Variants in TNRC6A observed in about 807,000 individuals in gnomAD.
TNRC6A encodes the protein trinucleotide repeat-containing gene 6A protein.
Under a neutral mutation model 221.2 loss-of-function variants are expected in TNRC6A, and 44 were observed. The ratio of observed to expected loss-of-function variants is 0.20; its 90% CI spans 0.16 to 0.26. The LOEUF (loss-of-function observed/expected upper bound fraction) is 0.26, where lower values mean the gene tolerates loss of function less well. Among genes scored for constraint, TNRC6A ranks in the 10% least tolerant of loss-of-function variants. The pLI, the probability that TNRC6A is intolerant of heterozygous loss-of-function variation, is 1.00. For synonymous variants in TNRC6A, 847 were observed against 838.5 expected (o/e 1.01, Z -0.18); for missense variants, 2,199 against 2,404.4 (o/e 0.91, Z 1.79).
rs571906685 is a variant in TNRC6A, at chr16:24,716,286, C to T, written n.403-34440C>T. Among the ~76,000 whole-genome samples the T allele has an allele frequency of 9.8e-5, 15 of 152,288 alleles. No homozygotes were observed. The East Asian group carries it at 1.5e-3, about 16-fold the overall frequency. On this transcript the variant is annotated intron_variant and non_coding_transcript_variant, in intron 2 of 2. Coordinates refer to the TNRC6A transcript ENST00000566108. ...ACAGTTGTTTTATAAATTTTGTCTG[C>T]ATTTTTAGCCGTTTCAGGAGGGAGG...
At chr16:24,630,903 C>A (rs554941841) in intron 1 of TNRC6A, among the ~76,000 whole-genome samples, 1 of 152,122 alleles carries the variant, frequency 6.6e-6, no homozygotes. Flanking sequence ...GTGGTATGTG[C>A]CTCTCTATAC....
chr16:24,750,105 A>C (rs1332050904), intron 2 of TNRC6A, among the ~76,000 whole-genome samples: 1 of 152,224 alleles, frequency 6.6e-6, no homozygotes, highest in African/African-American at 2.4e-5. Context: ...ATGCCACTGC[A>C]TTCCAGCCTG....
intron 1 of TNRC6A, among the ~76,000 whole-genome samples, chr16:24,630,976 T>A (rs1221754229): frequency 6.6e-6 from 1 of 151,288 alleles, no homozygotes. Context: ...GCTTAGACAT[T>A]CAGCCTGGAG....
At chr16:24,741,339 T>A (rs551967482) in intron 2 of TNRC6A, among the ~76,000 whole-genome samples, 33 of 152,346 alleles carry the variant, frequency 2.2e-4, no homozygotes, top group Non-Finnish European at 3.7e-4. Context: ...GTTTTTGTCT[T>A]GTAAAAGGAT....
Position 24,823,962 on chromosome 16 carries a change from C to A in TNRC6A, c.*155C>A. On this transcript the variant is annotated 3_prime_UTR_variant, in exon 25 of 25. Transcript: ENST00000395799. This position sits in a 1 kb window ranked among gnomAD's most constrained non-coding sequence, Gnocchi z 4.3. ...TCCCCAAAACATATCAGTTTGAATA[C>A]TTGAATCATGCAGGCCAATATTATA... is the stretch of plus-strand genomic sequence containing the variant. 1 of 645,462 alleles carries A rather than the reference C, an allele frequency of 1.5e-6. No homozygotes were observed. The highest frequency in any genetic ancestry group is 2.3e-6 in the Non-Finnish European group (1 of 436,470). 40.0% of individuals were successfully genotyped at this position (645,462 alleles called of 1,614,324 possible).
In TNRC6A at chr16:24,790,249, G is replaced by T; in HGVS notation, c.1607G>T (p.Gly536Val). ...AATTACTCTGGAGACAAATGTTCAG[G>T]CCCTAATGGCCAAGCTAATGGTGAC... ...GSNYSGDKCS[G>V]PNGQANGDTV... is the part of the protein sequence containing the mutation. Residue 536 changes from glycine to valine, a missense_variant, in exon 6 of 25, where the codon GGC becomes GTC. By Grantham distance (109) the Gly-to-Val change is moderately radical (BLOSUM62 -3). This residue lies in a region of TNRC6A where 1,405 missense variants were observed against 1,400.2 expected (regional missense o/e 1.00). Coordinates refer to ENST00000395799, the MANE Select transcript of TNRC6A (RefSeq NM_014494.4). 1.2e-6 allele frequency: 2 copies of T among 1,614,176 alleles called. No homozygotes were observed. The highest frequency in any genetic ancestry group is 1.7e-6 in the Non-Finnish European group (2 of 1,180,034).
intron 1 of TNRC6A, among the ~76,000 whole-genome samples, chr16:24,620,282 T>TTATTATGA (rs1900597712): frequency 6.6e-6 from 1 of 152,218 alleles, no homozygotes; most frequent in Non-Finnish European, 1.5e-5. Context: ...ACAATCATTG[T>TTATTATGA]ACCCACCTGT....
intron 4 of TNRC6A, among the ~76,000 whole-genome samples, chr16:24,775,127 A>G (rs1285668430): frequency 6.6e-6 from 1 of 152,162 alleles, no homozygotes; most frequent in Non-Finnish European, 1.5e-5. Context: ...TGTTTTTGAT[A>G]GCCAGTGTCT....
upstream of TNRC6A, chr16:24,729,613 C>T (rs2056560069): frequency 1.2e-5 from 5 of 424,248 alleles, no homozygotes; most frequent in Middle Eastern, 1.3e-3. Flanking sequence ...GGCCAGTGGC[C>T]GTGGCGCCCC....
chr16:24,739,271 T>C (rs1156493404), intron 2 of TNRC6A, among the ~76,000 whole-genome samples: 4 of 152,188 alleles, frequency 2.6e-5, no homozygotes, highest in African/African-American at 9.7e-5. Context: ...ATTTTCCTAA[T>C]GGCTAATGAT....
Position 24,729,684 on chromosome 16 carries a change from T to TCGGCGGTGG in TNRC6A, c.-152_-151insTGGCGGCGG. 1.6e-6 allele frequency: 1 copy of TCGGCGGTGG among 629,590 alleles called. No homozygotes were observed. Among genetic ancestry groups the TCGGCGGTGG allele is most frequent in the Non-Finnish European group, 2.3e-6 (1 of 441,134 alleles). 39.0% of individuals were successfully genotyped at this position (629,590 alleles called of 1,614,324 possible). ...TCTGGGGCCTGCGGCGGCGGCGGTG[T>TCGGCGGTGG]CGGCGGCGGCGGCGGCGGCGGCGGC... On this transcript the variant is annotated 5_prime_UTR_variant, in exon 1 of 25. Transcript: ENST00000395799.
intron 2 of TNRC6A, among the ~76,000 whole-genome samples, chr16:24,736,495 C>T (rs745509337): frequency 3.3e-5 from 5 of 152,158 alleles, no homozygotes; most frequent in African/African-American, 4.8e-5. Flanking sequence ...TTAGTTGTGT[C>T]TGAAGTTTCT....
intron 1 of TNRC6A, 79 bp from the exon 2 acceptor site, chr16:24,730,174 C>T: frequency 6.9e-7 from 1 of 1,445,730 alleles, no homozygotes; most frequent in African/African-American, 1.4e-5. Flanking sequence ...GCCTCTGCCG[C>T]AGCAGCTCCG....
intron 2 of TNRC6A, among the ~76,000 whole-genome samples, chr16:24,680,289 C>T (rs984777054): frequency 7.9e-5 from 12 of 151,284 alleles, no homozygotes; most frequent in Non-Finnish European, 1.6e-4. Context: ...GGCATGGTAG[C>T]ATGTGCCTGT....
chr16:24,800,623 T>C (rs1321489344), intron 11 of TNRC6A, among the ~76,000 whole-genome samples: 2 of 152,206 alleles, frequency 1.3e-5, no homozygotes, highest in Non-Finnish European at 2.9e-5. Flanking sequence ...CCTTCATGGC[T>C]CACTGAATGG....
intron 22 of TNRC6A, among the ~76,000 whole-genome samples, chr16:24,821,044 TTAAA>T (rs1469624857): frequency 1.3e-5 from 2 of 152,248 alleles, no homozygotes; most frequent in Admixed American, 1.3e-4. Context: ...TATTTTCTGA[TTAAA>T]TATGTAATTT....
intron 1 of TNRC6A, among the ~76,000 whole-genome samples, chr16:24,618,804 T>C (rs1041521298): frequency 1.3e-5 from 2 of 151,822 alleles, no homozygotes; most frequent in African/African-American, 4.8e-5. Flanking sequence ...CTATTTTTTT[T>C]TTTTAAGTAG....
intron 2 of TNRC6A, among the ~76,000 whole-genome samples, chr16:24,750,351 G>A (rs1048234617): frequency 2.6e-5 from 4 of 152,256 alleles, no homozygotes. Context: ...GAGGTCTCAG[G>A]CATTGCCATT....
intron 2 of TNRC6A, among the ~76,000 whole-genome samples, chr16:24,738,378 A>G (rs1469310420): frequency 6.6e-6 from 1 of 152,226 alleles, no homozygotes; most frequent in Non-Finnish European, 1.5e-5. Context: ...GAGTTGTGCA[A>G]TCAGCACCAC....
Sources: allele counts gnomAD v4.1 joint callset (sites outside exome capture counted in the v4.1 genomes callset), GRCh38; gene constraint gnomAD v4.1.1; regional missense constraint gnomAD v4.1.1; non-coding constraint Gnocchi (gnomAD v3.1); transcripts MANE v1.5; gene names NCBI Gene and HGNC (gene_info 2026-07-23, HGNC 2026-07-21).